Variants in COPG2 observed in about 807,000 individuals in gnomAD.
COPG2 encodes coat protein complex I subunit gamma 2, also known as coatomer subunit gamma-2.
COPG2 carries 37 observed loss-of-function variants against 46.3 expected under a neutral mutation model. The ratio of observed to expected loss-of-function variants is 0.80; its 90% confidence interval spans 0.61 to 1.05. COPG2 has a LOEUF of 1.05. Among genes scored for constraint, COPG2 ranks in the 50% least tolerant of loss-of-function variants. The pLI, the probability that COPG2 is intolerant of heterozygous loss-of-function variation, is 0.00. For missense variants in COPG2, 427 were observed against 387.8 expected (o/e 1.10, Z -0.85); for synonymous variants, 159 against 129.7 (o/e 1.23, Z -1.53).
At chr7:130,579,072 GA>G (rs1401189604) in intron 9 of COPG2, among the ~76,000 whole-genome samples, 3 of 86,006 alleles carry the variant, frequency 3.5e-5, no homozygotes, top group Non-Finnish European at 6.8e-5. Flanking sequence ...TGAAATGAAG[GA>G]AAAAATGTTA....
chr7:130,634,282 A>G (rs1050099836), intron 5 of COPG2, among the ~76,000 whole-genome samples: 4 of 152,092 alleles, frequency 2.6e-5, no homozygotes, highest in Non-Finnish European at 5.9e-5. Flanking sequence ...CTTAATGGGG[A>G]TAGCACTGAT....
intron 7 of COPG2, 87 bp from the exon 8 acceptor site, chr7:130,612,325 A>G: frequency 1.2e-6 from 1 of 824,530 alleles, no homozygotes; most frequent in Admixed American, 3.1e-5. Flanking sequence ...TGAAAATCAC[A>G]GACATTTCCC....
intron 4 of COPG2, among the ~76,000 whole-genome samples, chr7:130,660,324 T>C (rs1554460547): frequency 1.3e-5 from 2 of 152,180 alleles, no homozygotes; most frequent in Admixed American, 6.5e-5. Flanking sequence ...ACCCTTCTAA[T>C]CAGCGCCATT....
At chr7:130,577,474 A>C (rs1412747543) in intron 9 of COPG2, among the ~76,000 whole-genome samples, 1 of 152,218 alleles carries the variant, frequency 6.6e-6, no homozygotes. Flanking sequence ...CTTAAAAAAC[A>C]GCCCAGGCCA....
intron 20 of COPG2, among the ~76,000 whole-genome samples, chr7:130,518,394 G>C (rs1799696528): frequency 6.6e-6 from 1 of 152,170 alleles, no homozygotes; most frequent in Non-Finnish European, 1.5e-5. Context: ...GCCACTGATA[G>C]CACCTGAAAG....
At chr7:130,599,857 T>C (rs1794601725) in intron 9 of COPG2, among the ~76,000 whole-genome samples, 1 of 152,180 alleles carries the variant, frequency 6.6e-6, no homozygotes, top group South Asian at 2.1e-4. Context: ...CTAATACATG[T>C]GGTCATTATA....
intron 5 of COPG2, among the ~76,000 whole-genome samples, chr7:130,649,125 A>G (rs1024895203): frequency 3.9e-5 from 6 of 152,250 alleles, no homozygotes; most frequent in African/African-American, 1.4e-4. Flanking sequence ...GCTTCTACTT[A>G]GATGCTAAGG....
intron 6 of COPG2, among the ~76,000 whole-genome samples, chr7:130,616,650 T>G (rs574009714): frequency 1.3e-5 from 2 of 152,330 alleles, no homozygotes; most frequent in African/African-American, 4.8e-5. Flanking sequence ...TTTCTTGCCC[T>G]GGTGTCTACC....
intron 5 of COPG2, chr7:130,645,200 T>A: frequency 1.5e-6 from 1 of 675,138 alleles, no homozygotes; most frequent in South Asian, 1.4e-5. Flanking sequence ...GAGTACCCCC[T>A]TTCCAGAATG....
At chr7:130,577,837 G>T (rs552023831) in intron 9 of COPG2, among the ~76,000 whole-genome samples, 5 of 149,884 alleles carry the variant, frequency 3.3e-5, no homozygotes, top group Non-Finnish European at 5.9e-5. Flanking sequence ...CACCTGGCTC[G>T]GAGGGTCCTA....
In COPG2 at chr7:130,561,136, G is replaced by T. The variant is rs1793712279; in HGVS notation, c.1025C>A (p.Thr342Asn). 1.3e-5 allele frequency: 5 copies of T among 398,450 alleles called. No homozygotes were observed. Among genetic ancestry groups the T allele is most frequent in the Non-Finnish European group, 2.2e-5 (5 of 226,062 alleles). 24.7% of individuals were successfully genotyped at this position (398,450 alleles called of 1,614,324 possible). The change falls in exon 12 of 24, where the codon ACC becomes AAC. Residue 342 changes from threonine (T) to asparagine (N), a missense_variant. By Grantham distance (65) the Thr-to-Asn change is moderately conservative. Coordinates refer to ENST00000425248, the MANE Select transcript of COPG2 (RefSeq NM_012133.6). ...TTTGAGGAGTGTAGTAATGGCTAAG[G>T]TAGCAATGCTTCTGTTTGAGTCTGT... The part of the protein sequence containing the change: ...LITDSNRSIA[T>N]LAITTLLKTG...
intron 22 of COPG2, 136 bp downstream of exon 22, chr7:130,507,535 AATTAGATGATGAAG>A: frequency 1.5e-6 from 1 of 661,570 alleles, no homozygotes; most frequent in East Asian, 2.6e-5. Context: ...ATGGCTGATC[AATTAGATGATGAAG>A]ACAGGGTGCT....
chr7:130,643,071 C>T (rs906249840), intron 5 of COPG2, among the ~76,000 whole-genome samples: 9 of 151,370 alleles, frequency 5.9e-5, no homozygotes, highest in African/African-American at 2.2e-4. Flanking sequence ...CCGAGGCGGG[C>T]GGATCATGAG....
chr7:130,508,504 A>G (rs1799540614), intron 21 of COPG2, 58 bp downstream of exon 21: 1 of 716,438 alleles, frequency 1.4e-6, no homozygotes, highest in South Asian at 1.5e-5. Context: ...CTCTCAAGGC[A>G]GAAGTCACTT....
intron 5 of COPG2, among the ~76,000 whole-genome samples, chr7:130,649,517 T>C (rs541001650): frequency 5.3e-5 from 8 of 152,212 alleles, no homozygotes; most frequent in Non-Finnish European, 1.0e-4. Context: ...TTCCATGTAA[T>C]TGCAGTATAC....
chr7:130,627,101 G>T (rs1795133426), intron 5 of COPG2, among the ~76,000 whole-genome samples: 1 of 152,114 alleles, frequency 6.6e-6, no homozygotes, highest in Admixed American at 6.6e-5. Flanking sequence ...ATGTTGCCCA[G>T]GCTTTTCTAT....
intron 20 of COPG2, among the ~76,000 whole-genome samples, chr7:130,538,508 A>G (rs1799906248): frequency 6.6e-6 from 1 of 152,124 alleles, no homozygotes; most frequent in South Asian, 2.1e-4. Flanking sequence ...GCCAACCCAT[A>G]GGATTACGGT....
intron 9 of COPG2, among the ~76,000 whole-genome samples, chr7:130,575,751 T>G (rs532391019): frequency 6.6e-6 from 1 of 152,282 alleles, no homozygotes; most frequent in African/African-American, 2.4e-5. Flanking sequence ...TGAGTGTAAA[T>G]AGCTTAAATG....
At chr7:130,616,897 A>G in intron 6 of COPG2, 93 bp downstream of exon 6, 2 of 763,264 alleles carry the variant, frequency 2.6e-6, no homozygotes, top group Non-Finnish European at 4.3e-6. Flanking sequence ...GAAAATTCAC[A>G]AAGTCAGACT....
Sources: gnomAD v4.1 joint callset for allele counts (sites outside exome capture counted in the v4.1 genomes callset) on GRCh38, gnomAD v4.1.1 for gene constraint, MANE v1.5 for transcripts, NCBI Gene and HGNC (gene_info 2026-07-23, HGNC 2026-07-21) for gene names.